Variants in GRAMD1A observed in about 807,000 individuals in gnomAD.
The protein encoded by GRAMD1A is protein Aster-A.
A neutral mutation model predicts 92.0 loss-of-function variants in GRAMD1A; 50 were observed. The observed-to-expected ratio is 0.54, with a 90% CI of 0.43 to 0.69. The LOEUF is 0.69. Among genes scored for constraint, GRAMD1A ranks in the 30% least tolerant of loss-of-function variants. The pLI is 0.00. For missense variants in GRAMD1A, 819 were observed against 978.9 expected (o/e 0.84, Z 2.18); for synonymous variants, 405 against 403.6 (o/e 1.00, Z -0.04).
chr19:35,019,114 C>G, intron 11 of GRAMD1A, 77 bp from the exon 12 acceptor site: 1 of 951,442 alleles, frequency 1.1e-6, no homozygotes, highest in Non-Finnish European at 1.6e-6. Flanking sequence ...AGAGACCTCC[C>G]AGAAGGCTGA....
At chr19:35,002,788 T>C (rs567925553) in intron 1 of GRAMD1A, 1 of 152,558 alleles carries the variant, frequency 6.6e-6, no homozygotes, top group South Asian at 2.1e-4. Flanking sequence ...AGTGGGGATG[T>C]GTTGGCTGAC....
intron 1 of GRAMD1A, among the ~76,000 whole-genome samples, chr19:35,001,506 T>C (rs2014368480): frequency 6.6e-6 from 1 of 152,148 alleles, no homozygotes; most frequent in African/African-American, 2.4e-5. Flanking sequence ...GTGCGTCCCA[T>C]TGTGACTTAG....
intron 1 of GRAMD1A, among the ~76,000 whole-genome samples, chr19:35,008,492 C>A (rs919381290): frequency 5.3e-5 from 8 of 151,856 alleles, no homozygotes; most frequent in Non-Finnish European, 1.2e-4. Flanking sequence ...GATTTTGAGA[C>A]CAGCTTGGGC....
intron 13 of GRAMD1A, among the ~76,000 whole-genome samples, chr19:35,020,395 G>A (rs1449124059): frequency 6.6e-6 from 1 of 151,966 alleles, no homozygotes; most frequent in Non-Finnish European, 1.5e-5. Flanking sequence ...AAAATTAGTC[G>A]GGGGTAGTGA....
chr19:35,026,088 G>A lies in GRAMD1A; in HGVS notation c.2122G>A (p.Val708Ile). Residue 708 changes from valine to isoleucine, a missense_variant, in exon 20 of 20, where the codon GTC (valine) becomes ATC (isoleucine). Physicochemically the swap from Val to Ile is conservative, Grantham distance 29 (BLOSUM62 3). Around this residue, in one of 3 missense-constraint regions of GRAMD1A, gnomAD observed 577 missense variants for 674.6 expected, o/e 0.86. Transcript: ENST00000317991. ...GGAGAAGCTGCACCAAGGCATCACAGTCTCAGACCCTCCCTTTGACACCCA... is the reference window on the plus strand; with the variant it reads ...GGAGAAGCTGCACCAAGGCATCACAATCTCAGACCCTCCCTTTGACACCCA... ...SLEKLHQGIT[V>I]SDPPFDTQPR... 6.2e-7 allele frequency: 1 copy of A among 1,607,898 alleles called. No homozygotes were observed. The highest frequency in any genetic ancestry group is 8.5e-7 in the Non-Finnish European group (1 of 1,174,366).
chr19:35,023,771 G>A (rs1568341966), intron 19 of GRAMD1A: 1 of 483,398 alleles, frequency 2.1e-6, no homozygotes, highest in Non-Finnish European at 3.6e-6. Flanking sequence ...AAAGTCCAGA[G>A]GCGTCTCACA....
chr19:35,005,780 ACAGT>A (rs2014767491), intron 1 of GRAMD1A: 1 of 438,996 alleles, frequency 2.3e-6, no homozygotes. Flanking sequence ...CTGTCATCAG[ACAGT>A]GACGGCCCAG....
Position 35,019,511 on chromosome 19 carries a change from G to C in GRAMD1A, c.1453G>C (p.Ala485Pro). The C allele has an allele frequency of 6.2e-7, 1 of 1,614,048 alleles. No homozygotes were observed. The highest frequency in any genetic ancestry group is 8.5e-7 in the Non-Finnish European group (1 of 1,179,952). Residue 485 changes from alanine (A) to proline (P), a missense_variant, in exon 13 of 20, where the codon GCC becomes CCC. Around this residue, in one of 3 missense-constraint regions of GRAMD1A, gnomAD observed 577 missense variants for 674.6 expected, o/e 0.86. Coordinates refer to ENST00000317991, the MANE Select transcript of GRAMD1A (RefSeq NM_020895.5). The stretch of plus-strand genomic sequence containing the variant: ...CCACCGCTACTGCATCCTGGGTCTG[G>C]CCCGGAACAAGGCGCGGCTCCGGTG... ...TAHRYCILGL[A>P]RNKARLRVSS... is the part of the protein sequence containing the mutation.
chr19:34,995,417 T>G (rs1024845997), upstream of GRAMD1A, among the ~76,000 whole-genome samples: 5 of 151,206 alleles, frequency 3.3e-5, no homozygotes, highest in Admixed American at 1.3e-4. Flanking sequence ...CCTAGCCCCA[T>G]GCATGCCAGA....
intron 1 of GRAMD1A, among the ~76,000 whole-genome samples, chr19:35,001,658 A>G (rs1183001023): frequency 1.3e-5 from 2 of 151,598 alleles, no homozygotes; most frequent in Non-Finnish European, 2.9e-5. Context: ...CCCAGGCTAG[A>G]GTGCAGTGGC....
chr19:35,011,605 T>G (rs752108540), intron 7 of GRAMD1A, 51 bp downstream of exon 7: 4 of 1,330,452 alleles, frequency 3.0e-6, no homozygotes, highest in African/African-American at 1.4e-5. Context: ...AGGGGGACCA[T>G]GGAGCCAGGG....
upstream of GRAMD1A, chr19:35,000,221 TC>T: frequency 3.9e-6 from 4 of 1,020,746 alleles, no homozygotes; most frequent in Non-Finnish European, 4.7e-6. This position sits in a 1 kb window ranked among gnomAD's most constrained non-coding sequence, Gnocchi z 4.9. Context: ...CTGCGGCCCC[TC>T]CCCGCCTTCC....
upstream of GRAMD1A, among the ~76,000 whole-genome samples, chr19:34,998,915 G>T (rs1017426706): frequency 6.0e-5 from 9 of 150,228 alleles, no homozygotes; most frequent in African/African-American, 2.0e-4. Context: ...TGGATGGGGG[G>T]TGTGAGCCAG....
chr19:35,020,213 G>A (rs2015949805), intron 13 of GRAMD1A, among the ~76,000 whole-genome samples: 1 of 152,138 alleles, frequency 6.6e-6, no homozygotes, highest in South Asian at 2.1e-4. Flanking sequence ...GTAACGTACG[G>A]AAGCCCTGTC....
In GRAMD1A at chr19:35,013,578, G is replaced by A. The variant is rs755360846; in HGVS notation, c.757G>A (p.Asp253Asn). Residue 253 changes from aspartate (D) to asparagine (N), a missense_variant, in exon 9 of 20, where the codon GAC becomes AAC. Physicochemically the swap from Asp to Asn is conservative, Grantham distance 23. Around this residue, in one of 3 missense-constraint regions of GRAMD1A, gnomAD observed 577 missense variants for 674.6 expected, o/e 0.86. Coordinates refer to ENST00000317991, the MANE Select transcript of GRAMD1A (RefSeq NM_020895.5). The surrounding 1 kb of genome is among the most constrained non-coding windows in gnomAD (Gnocchi z 4.9). ...KEVGDVIALS[D>N]ITSSGAADRS... ...AGTGGGAGATGTGATCGCCCTGAGC[G>A]ACATCACCTCCTCGGGGGCAGCTGA... 7 of 1,612,894 alleles carry A rather than the reference G, an allele frequency of 4.3e-6. No homozygotes were observed. The highest frequency in any genetic ancestry group is 2.2e-5 in the South Asian group (2 of 90,896).
chr19:34,996,433 G>A, upstream of GRAMD1A: 1 of 641,710 alleles, frequency 1.6e-6, no homozygotes, highest in Non-Finnish European at 2.6e-6. Context: ...CGAAACAGAT[G>A]CACAAACAAA....
intron 6 of GRAMD1A, 118 bp downstream of exon 6, chr19:35,010,497 C>T (rs2015153333): frequency 1.4e-6 from 1 of 707,860 alleles, no homozygotes; most frequent in South Asian, 1.6e-5. Flanking sequence ...GTCCCCTTCT[C>T]TCTGTTCTCC....
At chr19:35,014,714 A>C (rs538414945) in intron 10 of GRAMD1A, 23 of 380,368 alleles carry the variant, frequency 6.0e-5, no homozygotes, top group South Asian at 5.6e-4. Context: ...TACCCACTTC[A>C]TAGGATTGTT....
chr19:35,012,557 A>G (rs763661630), intron 7 of GRAMD1A, among the ~76,000 whole-genome samples: 2 of 152,380 alleles, frequency 1.3e-5, no homozygotes, highest in East Asian at 1.9e-4. Flanking sequence ...TGGCATAGGC[A>G]TGGGAGACTC....
Sources: gnomAD v4.1 joint callset for allele counts (sites outside exome capture counted in the v4.1 genomes callset) on GRCh38, gnomAD v4.1.1 for gene constraint, gnomAD v4.1.1 regional missense constraint, Gnocchi (gnomAD v3.1) non-coding constraint, MANE v1.5 for transcripts, NCBI Gene and HGNC (gene_info 2026-07-23, HGNC 2026-07-21) for gene names.